The following LAMA1 variants were observed in gnomAD, a reference collection of about 807,000 sequenced individuals.
The protein encoded by LAMA1 is laminin subunit alpha 1.
LAMA1 carries 219 observed loss-of-function variants against 348.7 expected under a neutral mutation model. That is an observed-to-expected ratio of 0.63 (90% CI 0.56 to 0.70). LAMA1 has a LOEUF of 0.70. Ranked by LOEUF, LAMA1 falls within the 30% of genes least tolerant of loss-of-function variation. LAMA1 has a pLI of 0.00. For synonymous variants in LAMA1, 1,487 were observed against 1,491.0 expected, an observed-to-expected ratio of 1.00 and a Z score of 0.06; for missense variants, 3,744 against 3,888.0, an observed-to-expected ratio of 0.96 and a Z score of 0.99.
chr18:7,107,454 T>C (rs1340617591), intron 1 of LAMA1, among the ~76,000 whole-genome samples: 1 of 152,044 alleles, frequency 6.6e-6, no homozygotes, highest in Admixed American at 6.5e-5. Context: ...TTTCAGTTCC[T>C]TGGACTTCAA....
At position 7,083,332 on chromosome 18, in the gene LAMA1, C is replaced by T. The variant is rs894340148; in HGVS notation, c.62-2875G>A. ...TCCTGAGTAGCTGGGATTACACATG[C>T]GCACCACCACGCCCAGCTAATTTTT... On this transcript the variant is annotated intron_variant, in intron 1 of 62. Coordinates refer to ENST00000389658, the MANE Select transcript of LAMA1 (RefSeq NM_005559.4). Among the ~76,000 whole-genome samples, 15 of 151,642 alleles carry T rather than the reference C, an allele frequency of 9.9e-5. No homozygotes were observed. The East Asian group carries it at 1.2e-3, about 12-fold the overall frequency.
rs185356153 is a variant in LAMA1, at chr18:6,991,705, T to A, written c.5168+856A>T. On this transcript the variant is annotated intron_variant, in intron 36 of 62. Coordinates refer to ENST00000389658, the MANE Select transcript of LAMA1 (RefSeq NM_005559.4). ...ACGCCCAGCCAATAATTCTACTTCT[T>A]AATATCTACCCTGAAAATAATCTGA... Among the ~76,000 whole-genome samples the A allele has an allele frequency of 2.0e-3, 303 of 152,268 alleles. 2 individuals are homozygous for A. The highest frequency in any genetic ancestry group is 6.8e-3 in the African/African-American group (282 of 41,554).
chr18:7,083,036 T>C (rs971196129), intron 1 of LAMA1, among the ~76,000 whole-genome samples: 39 of 152,242 alleles, frequency 2.6e-4, no homozygotes, highest in African/African-American at 9.4e-4. Context: ...TGCTGGAGTC[T>C]TTGCCCTGAG....
At chr18:7,047,884 A>G (rs1240582931) in intron 5 of LAMA1, among the ~76,000 whole-genome samples, 1 of 152,192 alleles carries the variant, frequency 6.6e-6, no homozygotes, top group East Asian at 1.9e-4. Flanking sequence ...ACAAAAATTA[A>G]TACAAAATGA....
intron 5 of LAMA1, among the ~76,000 whole-genome samples, chr18:7,048,297 A>C (rs2058049878): frequency 1.3e-5 from 2 of 152,216 alleles, no homozygotes; most frequent in Admixed American, 1.3e-4. Context: ...ATGCCAATAC[A>C]CGCACACAGG....
At chr18:7,005,247 T>A (rs1380887556) in intron 29 of LAMA1, among the ~76,000 whole-genome samples, 3 of 152,180 alleles carry the variant, frequency 2.0e-5, no homozygotes, top group Non-Finnish European at 4.4e-5. Flanking sequence ...TCACTTTTCA[T>A]GAATAATCTG....
chr18:6,941,960 C>G lies in LAMA1; in HGVS notation c.*119G>C, dbSNP rs1247001146. 7.8e-7 allele frequency: 1 copy of G among 1,278,390 alleles called. No homozygotes were observed. Among genetic ancestry groups the G allele is most frequent in the African/African-American group, 1.5e-5 (1 of 68,578 alleles). 79.2% of individuals were successfully genotyped at this position (1,278,390 alleles called of 1,614,324 possible). A position where few individuals can be genotyped will look rare whatever the true frequency, so the allele number is the denominator to read the frequency against. On this transcript the variant is annotated 3_prime_UTR_variant, in exon 63 of 63. Coordinates refer to ENST00000389658, the MANE Select transcript of LAMA1 (RefSeq NM_005559.4). ...AGTGTAACGTAAACACAACATCTCT[C>G]CCCAGAAACACTTAACCTGAGTTGG...
intron 39 of LAMA1, among the ~76,000 whole-genome samples, chr18:6,984,363 C>T (rs2057724921): frequency 6.6e-6 from 1 of 152,180 alleles, no homozygotes; most frequent in South Asian, 2.1e-4. Flanking sequence ...AGACTTGTCA[C>T]CCATAACGCA....
intron 33 of LAMA1, among the ~76,000 whole-genome samples, chr18:6,996,297 A>C (rs1229672256): frequency 1.3e-5 from 2 of 152,150 alleles, no homozygotes; most frequent in African/African-American, 4.8e-5. Flanking sequence ...GCCCCATCCC[A>C]GCGCACACAT....
rs772572637 is a variant in LAMA1 at position 6,975,035 on chromosome 18, G to C, written c.6491C>G (p.Ser2164Cys). 5.0e-6 allele frequency: 8 copies of C among 1,613,602 alleles called. No homozygotes were observed. In the Admixed American group the frequency reaches 1.3e-4, roughly 27 times the overall value. Residue 2164 changes from serine (S) to cysteine (C), a missense_variant and splice_region_variant, in exon 46 of 63, where the codon TCT (serine) becomes TGT (cysteine). Around this residue, in one of 3 missense-constraint regions of LAMA1, gnomAD observed 1,983 missense variants for 1,934.3 expected, o/e 1.03. Coordinates refer to ENST00000389658, the MANE Select transcript of LAMA1 (RefSeq NM_005559.4). ...CCGCATCTCCACTGCAAGGAAATCAGACTGGGGGGCGAGGAATGAACGGGG... is the reference window on the plus strand; with the variant it reads ...CCGCATCTCCACTGCAAGGAAATCACACTGGGGGGCGAGGAATGAACGGGG... ...LLFYLGSSTA[S>C]DFLAVEMRRG...
At chr18:7,084,320 G>C (rs2143790027) in intron 1 of LAMA1, among the ~76,000 whole-genome samples, 1 of 152,214 alleles carries the variant, frequency 6.6e-6, no homozygotes, top group South Asian at 2.1e-4. Flanking sequence ...TAGGAAATCA[G>C]AGAGTGAGAA....
At chr18:6,961,856 T>C in intron 52 of LAMA1, 89 bp downstream of exon 52, 1 of 1,567,332 alleles carries the variant, frequency 6.4e-7, no homozygotes, top group Non-Finnish European at 8.8e-7. Context: ...ATCTCTTTTC[T>C]ATCCCCACTG....
chr18:7,038,789 C>CGCT lies in LAMA1; in HGVS notation c.1563+20_1563+21insAGC, dbSNP rs111513484. 2.6e-4 allele frequency: 425 copies of CGCT among 1,613,872 alleles called. 2 individuals are homozygous for CGCT. In the East Asian group the frequency reaches 8.4e-3, roughly 32 times the overall value. On this transcript the variant is annotated intron_variant, in intron 11 of 62. Transcript: ENST00000389658. Reference sequence around the variant, plus strand: ...ATACGACCTGCTCATTAAATCCCGCCGCGCAGATGGCGCCTCCCACCTGAC... The same window carrying CGCT: ...ATACGACCTGCTCATTAAATCCCGCCGCTGCGCAGATGGCGCCTCCCACCTGAC...
chr18:7,037,825 A>T, intron 11 of LAMA1, 74 bp from the exon 12 acceptor site: 3 of 1,453,230 alleles, frequency 2.1e-6, no homozygotes, highest in Non-Finnish European at 2.9e-6. Flanking sequence ...CAGCAGTAAT[A>T]TTTTCACAAT....
intron 3 of LAMA1, among the ~76,000 whole-genome samples, chr18:7,065,138 C>T (rs1382549367): frequency 3.4e-5 from 5 of 148,856 alleles, no homozygotes; most frequent in Non-Finnish European, 1.5e-5. Flanking sequence ...GAGGCTGAGG[C>T]AGGAGAATCA....
In LAMA1 at chr18:7,075,618, C is replaced by T. The variant is rs1332155352; in HGVS notation, c.345+4357G>A. On this transcript the variant is annotated intron_variant, in intron 3 of 62. Transcript: ENST00000389658. ...AGTCTGGGAAACAAGAGCGAAACTC[C>T]GTCTCAAAAAAAAAATAACGGAAGA... Among the ~76,000 whole-genome samples, 5 of 140,418 alleles carry T rather than the reference C, an allele frequency of 3.6e-5. 1 individual carries two copies. Among genetic ancestry groups the T allele is most frequent in the South Asian group, 4.5e-4 (2 of 4,442 alleles). The allele number at this position is 140,418 out of a possible 152,430, so 92.1% of individuals were successfully genotyped here.
intron 22 of LAMA1, among the ~76,000 whole-genome samples, chr18:7,014,359 G>A (rs1035931875): frequency 1.3e-5 from 2 of 152,156 alleles, no homozygotes; most frequent in Admixed American, 6.5e-5. Flanking sequence ...AGTGGTTCAC[G>A]CCTGCAATTA....
At chr18:6,996,408 A>C (rs1259931877) in intron 33 of LAMA1, among the ~76,000 whole-genome samples, 1 of 152,224 alleles carries the variant, frequency 6.6e-6, no homozygotes. Flanking sequence ...TACCTGGTGC[A>C]CTGCATAGAT....
At chr18:7,112,750 C>T in intron 1 of LAMA1, among the ~76,000 whole-genome samples, 1 of 151,750 alleles carries the variant, frequency 6.6e-6, no homozygotes, top group East Asian at 1.9e-4. Context: ...AATTCTCCTG[C>T]CTCAGCCTCC....
Sources: gnomAD v4.1 joint callset for allele counts (sites outside exome capture counted in the v4.1 genomes callset) on GRCh38, gnomAD v4.1.1 for gene constraint, gnomAD v4.1.1 regional missense constraint, MANE v1.5 for transcripts, NCBI Gene and HGNC (gene_info 2026-07-23, HGNC 2026-07-21) for gene names.